The following GPHN variants were observed in gnomAD, a reference collection of about 807,000 sequenced individuals.
GPHN encodes the protein gephyrin.
In GPHN, 17 loss-of-function variants were observed where a neutral mutation model predicts 95.5. That is an observed-to-expected ratio of 0.18 (90% confidence interval 0.12 to 0.27). The LOEUF is 0.27. Ranked by LOEUF, GPHN falls within the 10% of genes least tolerant of loss-of-function variation. GPHN has a pLI of 1.00. For missense variants in GPHN, 660 were observed against 978.1 expected, an observed-to-expected ratio of 0.67 and a Z score of 4.34; for synonymous variants, 320 against 322.5, an observed-to-expected ratio of 0.99 and a Z score of 0.08.
the GPHN span, among the ~76,000 whole-genome samples, chr14:67,687,921 G>A: frequency 1.4e-3 from 216 of 151,890 alleles, 1 homozygote; most frequent in Admixed American, 4.1e-3. Flanking sequence ...ACAGGCGCCC[G>A]CCACCACACC....
chr14:66,764,139 C>T (rs952146592), intron 2 of GPHN, among the ~76,000 whole-genome samples: 2 of 152,152 alleles, frequency 1.3e-5, no homozygotes, highest in African/African-American at 2.4e-5. Flanking sequence ...TGAATCATCA[C>T]AAAACCATGC....
the GPHN span, among the ~76,000 whole-genome samples, chr14:67,412,896 G>A: frequency 6.6e-6 from 1 of 152,134 alleles, no homozygotes; most frequent in South Asian, 2.1e-4. Flanking sequence ...CAAGTAGCTA[G>A]GACTACAGGA....
chr14:67,728,703 T>G, the GPHN span, among the ~76,000 whole-genome samples: 135 of 142,104 alleles, frequency 9.5e-4, no homozygotes, highest in Middle Eastern at 3.5e-3. Context: ...GGATATCTTG[T>G]GGGGGGGGGG....
the GPHN span, among the ~76,000 whole-genome samples, chr14:67,607,134 A>G: frequency 6.6e-6 from 1 of 151,842 alleles, no homozygotes; most frequent in Non-Finnish European, 1.5e-5. Context: ...TATATATATA[A>G]CTCTTAATTA....
the GPHN span, among the ~76,000 whole-genome samples, chr14:67,375,055 C>G: frequency 6.6e-6 from 1 of 152,134 alleles, no homozygotes; most frequent in African/African-American, 2.4e-5. Flanking sequence ...GTTTTTTTCC[C>G]CCTCCACTAG....
At chr14:67,047,986 A>G (rs1187795071) in intron 10 of GPHN, among the ~76,000 whole-genome samples, 1 of 152,210 alleles carries the variant, frequency 6.6e-6, no homozygotes, top group Non-Finnish European at 1.5e-5. Flanking sequence ...ATTGTATATT[A>G]AGAACTGACT....
At chr14:66,694,554 T>G (rs1378784938) in intron 2 of GPHN, among the ~76,000 whole-genome samples, 1 of 152,106 alleles carries the variant, frequency 6.6e-6, no homozygotes, top group East Asian at 1.9e-4. Context: ...CCTTACACCC[T>G]TAAAAAAGTT....
chr14:67,058,907 A>G (rs764897310), intron 11 of GPHN, 121 bp downstream of exon 11: 170 of 926,338 alleles, frequency 1.8e-4, no homozygotes, highest in Non-Finnish European at 2.7e-4. Context: ...TACAGTTATC[A>G]TCATTCTTTT....
At chr14:66,758,208 G>A (rs147900907) in intron 2 of GPHN, among the ~76,000 whole-genome samples, 1 of 152,314 alleles carries the variant, frequency 6.6e-6, no homozygotes, top group Non-Finnish European at 1.5e-5. Context: ...ACAAGTTATC[G>A]ATCCAGTCCA....
intron 9 of GPHN, among the ~76,000 whole-genome samples, chr14:66,987,191 T>C (rs2071086113): frequency 6.6e-6 from 1 of 152,158 alleles, no homozygotes. Flanking sequence ...ATCTGTGAGG[T>C]ATCATATTTT....
chr14:66,883,352 A>G (rs189986214), intron 5 of GPHN, among the ~76,000 whole-genome samples: 103 of 151,870 alleles, frequency 6.8e-4, no homozygotes, highest in Non-Finnish European at 1.3e-3. Context: ...TAAATTCTCC[A>G]TTTGGTTTTT....
At chr14:66,588,580 TG>T (rs1324040536) in intron 1 of GPHN, among the ~76,000 whole-genome samples, 1 of 152,008 alleles carries the variant, frequency 6.6e-6, no homozygotes, top group African/African-American at 2.4e-5. Context: ...ACAACAACTT[TG>T]TGAAGCATAC....
intron 1 of GPHN, among the ~76,000 whole-genome samples, chr14:66,672,952 CTT>C (rs2066381236): frequency 6.6e-6 from 1 of 152,088 alleles, no homozygotes; most frequent in Non-Finnish European, 1.5e-5. Flanking sequence ...ATATTTTAAA[CTT>C]TTTTATTTGT....
intron 2 of GPHN, among the ~76,000 whole-genome samples, chr14:66,684,674 T>C (rs1231921420): frequency 6.6e-6 from 1 of 152,032 alleles, no homozygotes; most frequent in Non-Finnish European, 1.5e-5. Flanking sequence ...GGCAGAGAGA[T>C]GCCATGGGAG....
At chr14:67,079,761 C>T (rs150014320) in intron 11 of GPHN, among the ~76,000 whole-genome samples, 343 of 152,064 alleles carry the variant, frequency 2.3e-3, no homozygotes, top group African/African-American at 7.8e-3. Context: ...AACTCTTACA[C>T]CTCCCTCTAG....
At chr14:67,600,166 C>T in the GPHN span, 1 of 1,589,888 alleles carries the variant, frequency 6.3e-7, no homozygotes, top group East Asian at 2.3e-5. Flanking sequence ...CGCCAGGCGG[C>T]CGCCGCAGAT....
At chr14:66,522,823 G>C (rs1198541886) in intron 1 of GPHN, among the ~76,000 whole-genome samples, 1 of 149,602 alleles carries the variant, frequency 6.7e-6, no homozygotes, top group Admixed American at 6.7e-5. Context: ...TTAAAATGTT[G>C]ACTGAATATA....
At chr14:67,399,550 G>C in the GPHN span, among the ~76,000 whole-genome samples, 7 of 147,172 alleles carry the variant, frequency 4.8e-5, no homozygotes, top group African/African-American at 1.8e-4. Flanking sequence ...TAAAGAGAAG[G>C]GTAGTTTAGG....
intron 17 of GPHN, among the ~76,000 whole-genome samples, chr14:67,125,176 A>G (rs977919254): frequency 2.0e-5 from 3 of 152,132 alleles, no homozygotes; most frequent in African/African-American, 7.2e-5. Context: ...TTAGAGTGCT[A>G]TATTGAAGGG....
Sources: gnomAD v4.1 joint callset for allele counts (sites outside exome capture counted in the v4.1 genomes callset) on GRCh38, gnomAD v4.1.1 for gene constraint, MANE v1.5 for transcripts, NCBI Gene and HGNC (gene_info 2026-07-23, HGNC 2026-07-21) for gene names.